COL4A2: variants seen among roughly 807,000 people sequenced by gnomAD.
COL4A2 encodes the protein collagen type IV alpha 2 chain.
COL4A2 carries 99 observed loss-of-function variants against 200.2 expected under a neutral mutation model. That is an observed-to-expected ratio of 0.49 (90% CI 0.42 to 0.58). The LOEUF is 0.58. Ranked by LOEUF, COL4A2 falls within the 20% of genes least tolerant of loss-of-function variation. COL4A2 has a pLI of 0.00. For synonymous variants in COL4A2, 897 were observed against 900.6 expected (o/e 1.00, Z 0.07); for missense variants, 1,950 against 2,314.1 (o/e 0.84, Z 3.23).
At chr13:110,338,614 C>G (rs1188073889) in intron 3 of COL4A2, among the ~76,000 whole-genome samples, 1 of 152,294 alleles carries the variant, frequency 6.6e-6, no homozygotes, top group Non-Finnish European at 1.5e-5. Flanking sequence ...GATGGTTTAT[C>G]TGGAAGATTA....
chr13:110,308,026 G>A (rs759535614), intron 2 of COL4A2, 43 bp from the exon 3 acceptor site: 1 of 1,611,514 alleles, frequency 6.2e-7, no homozygotes, highest in Non-Finnish European at 8.5e-7. Context: ...CTGACAAGCC[G>A]GGCCCGCACG....
chr13:110,450,919 GC>G (rs1881519268), intron 20 of COL4A2, among the ~76,000 whole-genome samples: 1 of 152,202 alleles, frequency 6.6e-6, no homozygotes, highest in South Asian at 2.1e-4. Context: ...TGCCTTCTCA[GC>G]CCGTGCACAG....
In COL4A2 at chr13:110,388,128, T is replaced by A. The variant is rs373794895; in HGVS notation, c.180+30576T>A. ...GAAGGCTGAGGGACAGGGGCCTATG[T>A]AAGCTTCACGGGAACAGAATTCCTA... On this transcript the variant is annotated intron_variant, in intron 4 of 47. Coordinates refer to ENST00000360467, the MANE Select transcript of COL4A2 (RefSeq NM_001846.4). Among the ~76,000 whole-genome samples, 50 of 152,364 alleles carry A rather than the reference T, an allele frequency of 3.3e-4. No individual in the cohort carries two copies. In the South Asian group the frequency reaches 8.1e-3, roughly 25 times the overall value.
At chr13:110,403,557 A>G (rs2139432706) in intron 4 of COL4A2, among the ~76,000 whole-genome samples, 1 of 152,200 alleles carries the variant, frequency 6.6e-6, no homozygotes, top group East Asian at 1.9e-4. Flanking sequence ...TTCTACCAAC[A>G]TTCTGATCAT....
At position 110,382,666 on chromosome 13, in the gene COL4A2, A is replaced by G. The variant is rs140673198; in HGVS notation, c.180+25114A>G. Among the ~76,000 whole-genome samples the G allele has an allele frequency of 8.3e-4, 127 of 152,360 alleles. 2 individuals are homozygous for G. Among genetic ancestry groups the G allele is most frequent in the African/African-American group, 2.9e-3 (120 of 41,584 alleles). ...TAAATTGTTTCCTTAAATTGATCCA[A>G]TTTTGAAAGAGGAATTTGAATAGGA... On this transcript the variant is annotated intron_variant, in intron 4 of 47. Coordinates refer to ENST00000360467, the MANE Select transcript of COL4A2 (RefSeq NM_001846.4).
rs79196121 is a variant in COL4A2 at position 110,361,410 on chromosome 13, C to T, written c.180+3858C>T. ...CCACAGCTTCCCCTGGGGTGGCTCC[C>T]GTCTCTCTTCCCTGTGGTGCTACTG... is the stretch of plus-strand genomic sequence containing the variant. On this transcript the variant is annotated intron_variant, in intron 4 of 47. Coordinates refer to ENST00000360467, the MANE Select transcript of COL4A2 (RefSeq NM_001846.4). 2.4e-3 allele frequency among the ~76,000 whole-genome samples: 371 copies of T among 152,278 alleles called. 2 individuals carry two copies. The highest frequency in any genetic ancestry group is 8.6e-3 in the African/African-American group (357 of 41,546).
At chr13:110,373,850 G>A (rs934311331) in intron 4 of COL4A2, among the ~76,000 whole-genome samples, 2 of 152,126 alleles carry the variant, frequency 1.3e-5, no homozygotes, top group Admixed American at 6.5e-5. Flanking sequence ...TAAGTTAATC[G>A]GGCACATGCC....
At chr13:110,313,884 G>C (rs891411005) in intron 3 of COL4A2, among the ~76,000 whole-genome samples, 1 of 152,134 alleles carries the variant, frequency 6.6e-6, no homozygotes, top group Non-Finnish European at 1.5e-5. Context: ...TCGGTGCTGG[G>C]TTCCAGCCCC....
intron 25 of COL4A2, among the ~76,000 whole-genome samples, 182 bp from the exon 26 acceptor site, chr13:110,465,821 G>A (rs1261918025): frequency 6.6e-6 from 1 of 152,192 alleles, no homozygotes; most frequent in African/African-American, 2.4e-5. Flanking sequence ...TAGGACTACA[G>A]TGACAGAGGC....
At chr13:110,503,096 C>G in intron 41 of COL4A2, 25 bp from the exon 42 acceptor site, 1 of 1,610,644 alleles carries the variant, frequency 6.2e-7, no homozygotes, top group Non-Finnish European at 8.5e-7. Context: ...TTTAAACCCT[C>G]CTTTCTTGTC....
intron 21 of COL4A2, chr13:110,458,053 C>T (rs1594082833): frequency 2.2e-6 from 1 of 451,744 alleles, no homozygotes; most frequent in Non-Finnish European, 4.6e-6. Flanking sequence ...GCTCACCTCT[C>T]CCCTCCCAGA....
rs1317141175 is a variant in COL4A2 at position 110,307,943 on chromosome 13, C to T, written c.40C>T (p.Arg14Trp). The T allele has an allele frequency of 4.3e-6, 7 of 1,612,810 alleles. No homozygotes were observed. Among genetic ancestry groups the T allele is most frequent in the South Asian group, 1.1e-5 (1 of 90,956 alleles). The change falls in exon 2 of 48, where the codon CGG (arginine) becomes TGG (tryptophan). Residue 14 changes from arginine (R) to tryptophan (W), a missense_variant. Arg to Trp is a moderately radical substitution (Grantham distance 101, BLOSUM62 -3). This residue lies in a region of COL4A2 where 565 missense variants were observed against 593.5 expected (regional missense o/e 0.95). Coordinates refer to ENST00000360467, the MANE Select transcript of COL4A2 (RefSeq NM_001846.4). This position sits in a 1 kb window ranked among gnomAD's most constrained non-coding sequence, Gnocchi z 5.0. ...GCGCGCGGTGGCCGGCCCTGCCCTACGGCGGTAAGCGACTTTCTGCCTGGT... is the reference window on the plus strand; with the variant it reads ...GCGCGCGGTGGCCGGCCCTGCCCTATGGCGGTAAGCGACTTTCTGCCTGGT... ...DQRAVAGPAL[R>W]RWLLLGTVTV...
intron 11 of COL4A2, among the ~76,000 whole-genome samples, chr13:110,432,945 T>G (rs1386805632): frequency 6.6e-6 from 1 of 152,260 alleles, no homozygotes; most frequent in Non-Finnish European, 1.5e-5. Context: ...GGTTCCTTAT[T>G]ATCTGAGAAA....
At chr13:110,492,936 A>G (rs1325831905) in intron 38 of COL4A2, among the ~76,000 whole-genome samples, 1 of 152,190 alleles carries the variant, frequency 6.6e-6, no homozygotes, top group Non-Finnish European at 1.5e-5. Context: ...GGGTGACAGT[A>G]TCAGGTGACA....
intron 3 of COL4A2, among the ~76,000 whole-genome samples, chr13:110,309,265 G>A (rs539776333): frequency 6.6e-6 from 1 of 152,324 alleles, no homozygotes; most frequent in South Asian, 2.1e-4. Flanking sequence ...AGCTCGGTTT[G>A]GGAAGTAAGA....
At chr13:110,499,646 A>C (rs1883576712) in intron 40 of COL4A2, among the ~76,000 whole-genome samples, 1 of 152,220 alleles carries the variant, frequency 6.6e-6, no homozygotes. Context: ...TGAGTCATGC[A>C]ACATGGGCCT....
intron 28 of COL4A2, among the ~76,000 whole-genome samples, chr13:110,469,573 C>T (rs1255549926): frequency 6.6e-6 from 1 of 152,162 alleles, no homozygotes; most frequent in African/African-American, 2.4e-5. Flanking sequence ...GAATGGCTGT[C>T]CTCCGCAACA....
intron 16 of COL4A2, 80 bp downstream of exon 16, chr13:110,439,913 C>G: frequency 6.5e-7 from 1 of 1,538,060 alleles, no homozygotes; most frequent in Non-Finnish European, 8.7e-7. Flanking sequence ...CTTGGCATCT[C>G]AGGAAAGAAA....
intron 3 of COL4A2, among the ~76,000 whole-genome samples, chr13:110,334,680 A>G (rs944824476): frequency 2.6e-5 from 4 of 152,246 alleles, no homozygotes; most frequent in African/African-American, 7.2e-5. Context: ...ATTGTGAGAC[A>G]GGTCAAGAAA....
Sources: gnomAD v4.1 joint callset for allele counts (sites outside exome capture counted in the v4.1 genomes callset) on GRCh38, gnomAD v4.1.1 for gene constraint, gnomAD v4.1.1 regional missense constraint, Gnocchi (gnomAD v3.1) non-coding constraint, MANE v1.5 for transcripts, NCBI Gene and HGNC (gene_info 2026-07-23, HGNC 2026-07-21) for gene names.